Variants in TXK observed in about 807,000 individuals in gnomAD.
TXK encodes the protein TXK tyrosine kinase.
TXK carries 60 observed loss-of-function variants against 81.0 expected under a neutral mutation model. That is an observed-to-expected ratio of 0.74 (90% CI 0.60 to 0.92). The LOEUF (loss-of-function observed/expected upper bound fraction) is 0.92. Among genes scored for constraint, TXK ranks in the 40% least tolerant of loss-of-function variants. TXK has a pLI of 0.00. For synonymous variants in TXK, 203 were observed against 210.7 expected (o/e 0.96, Z 0.32); for missense variants, 581 against 638.3 (o/e 0.91, Z 0.97).
intron 6 of TXK, among the ~76,000 whole-genome samples, chr4:48,096,690 G>A (rs943078743): frequency 5.9e-5 from 9 of 152,012 alleles, no homozygotes; most frequent in South Asian, 2.1e-4. Flanking sequence ...CACCATGCCT[G>A]GCTAATTTTT....
intron 5 of TXK, among the ~76,000 whole-genome samples, chr4:48,109,988 C>G (rs1465337785): frequency 6.6e-6 from 1 of 152,180 alleles, no homozygotes; most frequent in Non-Finnish European, 1.5e-5. Context: ...TACCTGTAAT[C>G]TATCAGTCTT....
At chr4:48,112,071 T>G (rs1251326614) in intron 4 of TXK, among the ~76,000 whole-genome samples, 1 of 152,236 alleles carries the variant, frequency 6.6e-6, no homozygotes, top group Non-Finnish European at 1.5e-5. Context: ...TCAGAGACGG[T>G]AAGTGACTTG....
intron 4 of TXK, among the ~76,000 whole-genome samples, chr4:48,111,584 T>G (rs946331135): frequency 6.6e-6 from 1 of 152,230 alleles, no homozygotes; most frequent in Admixed American, 6.5e-5. Context: ...CTTTTTCCAC[T>G]GAAAAGTCTC....
intron 8 of TXK, among the ~76,000 whole-genome samples, chr4:48,093,096 A>T (rs1717840378): frequency 6.6e-6 from 1 of 152,172 alleles, no homozygotes; most frequent in Non-Finnish European, 1.5e-5. Context: ...CTCAGAACTG[A>T]CATCTTGACT....
intron 14 of TXK, among the ~76,000 whole-genome samples, chr4:48,069,329 T>TCC (rs1716743809): frequency 1.3e-5 from 1 of 74,622 alleles, no homozygotes; most frequent in Non-Finnish European, 2.4e-5. Context: ...TTCTTTTCTT[T>TCC]TTTTTTTTTT....
intron 5 of TXK, chr4:48,109,353 G>A (rs751439642): frequency 2.0e-5 from 3 of 152,030 alleles, no homozygotes; most frequent in Non-Finnish European, 2.9e-5. Flanking sequence ...TTTAAAAATT[G>A]CCATGCTAAT....
intron 8 of TXK, among the ~76,000 whole-genome samples, chr4:48,093,648 A>G (rs1329496054): frequency 6.6e-6 from 1 of 152,236 alleles, no homozygotes; most frequent in Non-Finnish European, 1.5e-5. Context: ...TCTCCAAACA[A>G]GAAAGAACAG....
Position 48,104,966 on chromosome 4 carries a change from A to C in TXK, c.447-11T>G. 1 of 1,570,628 alleles carries C rather than the reference A, an allele frequency of 6.4e-7. No homozygotes were observed. Among genetic ancestry groups the C allele is most frequent in the Non-Finnish European group, 8.6e-7 (1 of 1,159,868 alleles). On this transcript the variant is annotated splice_polypyrimidine_tract_variant and intron_variant, in intron 5 of 14. Transcript: ENST00000264316. Reference sequence around the variant, plus strand: ...TTTCTATGGTACCACCTGTAAAAGCAATAAAAATGATTTTTAAATTTTATA... The same window carrying C: ...TTTCTATGGTACCACCTGTAAAAGCCATAAAAATGATTTTTAAATTTTATA...
chr4:48,092,395 C>T (rs1364282956), intron 8 of TXK, among the ~76,000 whole-genome samples: 2 of 152,102 alleles, frequency 1.3e-5, no homozygotes, highest in Non-Finnish European at 2.9e-5. Context: ...GTGACACTGC[C>T]AAATGTAGCA....
At chr4:48,105,575 T>A (rs1384347601) in intron 5 of TXK, among the ~76,000 whole-genome samples, 1 of 152,072 alleles carries the variant, frequency 6.6e-6, no homozygotes, top group Non-Finnish European at 1.5e-5. Context: ...ACTTATTGGA[T>A]AAAATGTTCA....
intron 14 of TXK, among the ~76,000 whole-genome samples, chr4:48,069,577 C>T (rs536644277): frequency 2.0e-5 from 3 of 152,140 alleles, no homozygotes; most frequent in East Asian, 1.9e-4. Flanking sequence ...TCGCCCACCT[C>T]AGCCTCCCAA....
At chr4:48,129,448 CA>C (rs1349819158) in intron 1 of TXK, among the ~76,000 whole-genome samples, 1 of 152,110 alleles carries the variant, frequency 6.6e-6, no homozygotes, top group Non-Finnish European at 1.5e-5. Context: ...AACAGGACAC[CA>C]AACTGATCAA....
chr4:48,128,721 C>T (rs762045996), intron 1 of TXK, among the ~76,000 whole-genome samples: 3 of 151,682 alleles, frequency 2.0e-5, no homozygotes, highest in African/African-American at 4.8e-5. Flanking sequence ...TCTGCCACCA[C>T]GCCCGGCTAA....
At chr4:48,102,281 A>C (rs1454619131) in intron 6 of TXK, among the ~76,000 whole-genome samples, 3 of 152,194 alleles carry the variant, frequency 2.0e-5, no homozygotes, top group Non-Finnish European at 2.9e-5. Context: ...CCCCAGCTGT[A>C]TTTTTTAAAT....
chr4:48,081,188 A>T (rs1022846849), intron 10 of TXK, among the ~76,000 whole-genome samples: 1 of 152,250 alleles, frequency 6.6e-6, no homozygotes, highest in Admixed American at 6.5e-5. Context: ...TTACATATAT[A>T]TAGAGTAAGT....
At position 48,076,484 on chromosome 4, in the gene TXK, GA is replaced by G. The variant is rs1317051010; in HGVS notation, c.1174-19del. ...CTTGCCGCCTATGGAAAGAAGAAAA[GA>G]ATCCAAGTTTGAATACAAGCTTTTA... On this transcript the variant is annotated intron_variant, in intron 11 of 14. Transcript: ENST00000264316. 2 of 1,602,864 alleles carry G rather than the reference GA, an allele frequency of 1.2e-6. No individual in the cohort carries two copies. The highest frequency in any genetic ancestry group is 1.7e-6 in the Non-Finnish European group (2 of 1,176,202).
At chr4:48,128,103 T>C (rs1190260550) in intron 1 of TXK, among the ~76,000 whole-genome samples, 1 of 152,238 alleles carries the variant, frequency 6.6e-6, no homozygotes, top group African/African-American at 2.4e-5. Flanking sequence ...TCATGTCTAA[T>C]GTTTTGAAGT....
chr4:48,126,638 C>T (rs566540216), intron 1 of TXK, among the ~76,000 whole-genome samples: 2 of 151,748 alleles, frequency 1.3e-5, no homozygotes, highest in South Asian at 2.1e-4. Context: ...GTAGCTGGGA[C>T]TACAGGCACA....
chr4:48,071,300 GC>G (rs1716842939), intron 14 of TXK, among the ~76,000 whole-genome samples: 2 of 152,130 alleles, frequency 1.3e-5, no homozygotes, highest in Non-Finnish European at 2.9e-5. Flanking sequence ...CTCAGAAAAT[GC>G]ACTGAATTCC....
Sources: gnomAD v4.1 joint callset for allele counts (sites outside exome capture counted in the v4.1 genomes callset) on GRCh38, gnomAD v4.1.1 for gene constraint, MANE v1.5 for transcripts, NCBI Gene and HGNC (gene_info 2026-07-23, HGNC 2026-07-21) for gene names.